Variants in TANGO6 observed in about 807,000 individuals in gnomAD.
The protein encoded by TANGO6 is transport and golgi organization 6 homolog.
TANGO6 carries 90 observed loss-of-function variants against 114.2 expected under a neutral mutation model. The observed-to-expected ratio is 0.79, with a 90% CI of 0.66 to 0.94. The LOEUF (loss-of-function observed/expected upper bound fraction) is 0.94. Among genes scored for constraint, TANGO6 ranks in the 40% least tolerant of loss-of-function variants. The probability of loss-of-function intolerance (pLI) is 0.00; values close to 1 mark genes in which losing one functional copy is unlikely to be tolerated. For synonymous variants in TANGO6, 477 were observed against 509.8 expected (o/e 0.94, Z 0.87); for missense variants, 1,274 against 1,315.3 (o/e 0.97, Z 0.49).
At chr16:68,882,214 A>G (rs78697844) in intron 7 of TANGO6, among the ~76,000 whole-genome samples, 2,113 of 152,042 alleles carry the variant, frequency 0.014, 45 homozygotes, top group African/African-American at 0.046. Flanking sequence ...TTGTTCATAT[A>G]GGCCGGGCAC....
chr16:68,913,203 C>T (rs1962949549), intron 11 of TANGO6, among the ~76,000 whole-genome samples: 1 of 151,814 alleles, frequency 6.6e-6, no homozygotes, highest in African/African-American at 2.4e-5. Context: ...ATAGCTGGGA[C>T]TACAGGCATG....
intron 15 of TANGO6, among the ~76,000 whole-genome samples, chr16:69,008,899 T>G (rs959748069): frequency 6.6e-6 from 1 of 151,900 alleles, no homozygotes; most frequent in African/African-American, 2.4e-5. Context: ...CATCTCAGTC[T>G]CCCAAATGCC....
rs780476000 is a variant in TANGO6 at position 68,878,106 on chromosome 16, G to GT, written c.1132-5dup. ...AAAAAACTGGTATTTACTTCTTGTA[G>GT]TTTTTTTGTAGGTTCTGGATTTATT... On this transcript the variant is annotated splice_polypyrimidine_tract_variant and intron_variant, in intron 5 of 17. Transcript: ENST00000261778. 5 of 1,599,772 alleles carry GT rather than the reference G, an allele frequency of 3.1e-6. No homozygotes were observed. The highest frequency in any genetic ancestry group is 4.3e-6 in the Non-Finnish European group (5 of 1,173,516).
intron 12 of TANGO6, among the ~76,000 whole-genome samples, chr16:68,922,843 G>A (rs1317795474): frequency 6.6e-6 from 1 of 151,910 alleles, no homozygotes; most frequent in Non-Finnish European, 1.5e-5. Flanking sequence ...AGATTCTACT[G>A]GGGTGGGGGC....
chr16:68,863,986 C>T (rs1380038800), intron 3 of TANGO6, among the ~76,000 whole-genome samples: 2 of 151,606 alleles, frequency 1.3e-5, no homozygotes, highest in African/African-American at 4.8e-5. Flanking sequence ...ACCAGCTTGA[C>T]CAACATGGAG....
intron 7 of TANGO6, among the ~76,000 whole-genome samples, chr16:68,892,600 C>T (rs1027154913): frequency 6.6e-6 from 1 of 151,562 alleles, no homozygotes. Flanking sequence ...CTGCAACCTC[C>T]GCCTCCTGGG....
At chr16:68,970,142 A>G (rs1336794685) in intron 14 of TANGO6, among the ~76,000 whole-genome samples, 1 of 152,126 alleles carries the variant, frequency 6.6e-6, no homozygotes, top group Non-Finnish European at 1.5e-5. Flanking sequence ...GGAGGGGGAG[A>G]AAGTGGGTAT....
chr16:69,049,088 T>A (rs1403289738), intron 17 of TANGO6, among the ~76,000 whole-genome samples: 1 of 152,228 alleles, frequency 6.6e-6, no homozygotes, highest in African/African-American at 2.4e-5. Context: ...ATTTGAGACA[T>A]AATTTATATA....
chr16:68,884,930 A>G (rs1567531912), intron 7 of TANGO6, among the ~76,000 whole-genome samples: 2 of 152,228 alleles, frequency 1.3e-5, no homozygotes, highest in African/African-American at 2.4e-5. Context: ...TTATGCACCA[A>G]GGATTGGCAC....
At position 69,028,716 on chromosome 16, in the gene TANGO6, C is replaced by T. The variant is rs548691650; in HGVS notation, c.2994+5737C>T. On this transcript the variant is annotated intron_variant, in intron 16 of 17. Transcript: ENST00000261778. ...AAAGAGTTATTGGTACAATCACACA[C>T]ACTTTTTTTTTTTATTTTTAGAGAT... 1.7e-3 allele frequency among the ~76,000 whole-genome samples: 261 copies of T among 151,854 alleles called. 1 individual carries two copies. The highest frequency in any genetic ancestry group is 5.9e-3 in the African/African-American group (244 of 41,460).
At chr16:68,846,854 G>A (rs1419071726) in intron 1 of TANGO6, 4 of 151,178 alleles carry the variant, frequency 2.6e-5, no homozygotes, top group Non-Finnish European at 4.4e-5. Flanking sequence ...TGTATTGTGT[G>A]GGGAAAAAAG....
intron 7 of TANGO6, among the ~76,000 whole-genome samples, chr16:68,882,939 A>T (rs1214528762): frequency 1.3e-5 from 2 of 152,108 alleles, no homozygotes; most frequent in African/African-American, 4.8e-5. Flanking sequence ...AATCACTTGA[A>T]CCCGGGAGGC....
intron 15 of TANGO6, among the ~76,000 whole-genome samples, chr16:69,002,077 C>A (rs1264616256): frequency 6.6e-6 from 1 of 152,126 alleles, no homozygotes; most frequent in Non-Finnish European, 1.5e-5. Flanking sequence ...TGTCTACTTA[C>A]AATTCTTGGA....
chr16:69,061,566 T>G (rs1267440764), intron 17 of TANGO6, among the ~76,000 whole-genome samples: 1 of 150,514 alleles, frequency 6.6e-6, no homozygotes, highest in Non-Finnish European at 1.5e-5. Context: ...AACAAAAAAG[T>G]CATCTTCCCA....
chr16:68,974,013 T>A lies in TANGO6; in HGVS notation c.2702-15T>A. 6.3e-7 allele frequency: 1 copy of A among 1,589,702 alleles called. No homozygotes were observed. Among genetic ancestry groups the A allele is most frequent in the Non-Finnish European group, 8.6e-7 (1 of 1,167,738 alleles). On this transcript the variant is annotated splice_polypyrimidine_tract_variant and intron_variant, in intron 14 of 17. Coordinates refer to ENST00000261778, the MANE Select transcript of TANGO6 (RefSeq NM_024562.2). Reference sequence around the variant, plus strand: ...TAAACAGTAATGAATCCTTTCTTTTTGTTTTCAACCCCAGGGGTTGCCCTG... The same window carrying A: ...TAAACAGTAATGAATCCTTTCTTTTAGTTTTCAACCCCAGGGGTTGCCCTG...
At chr16:68,926,559 G>A (rs548080157) in intron 12 of TANGO6, among the ~76,000 whole-genome samples, 7 of 150,956 alleles carry the variant, frequency 4.6e-5, no homozygotes, top group South Asian at 4.2e-4. Flanking sequence ...ACAGAGTCTC[G>A]CTCTGTTGCC....
chr16:68,994,345 T>G (rs1963972451), intron 15 of TANGO6, among the ~76,000 whole-genome samples: 4 of 152,170 alleles, frequency 2.6e-5, no homozygotes, highest in Admixed American at 2.6e-4. Flanking sequence ...TCTGTGCCTT[T>G]TTTCAGTGCC....
rs748504028 is a variant in TANGO6 at position 68,894,897 on chromosome 16, G to A, written c.1378-5537G>A. Among the ~76,000 whole-genome samples the A allele has an allele frequency of 6.6e-5, 10 of 151,906 alleles. No homozygotes were observed. The South Asian group carries it at 1.0e-3, about 16-fold the overall frequency. On this transcript the variant is annotated intron_variant, in intron 7 of 17. Coordinates refer to ENST00000261778, the MANE Select transcript of TANGO6 (RefSeq NM_024562.2). ...GCAATCAGTCCCCATTCTAACCTCC[G>A]AGTCCCTGGCAACCACTAATCTGCT...
intron 17 of TANGO6, among the ~76,000 whole-genome samples, chr16:69,078,144 A>G (rs184012252): frequency 2.0e-5 from 3 of 152,296 alleles, no homozygotes; most frequent in African/African-American, 4.8e-5. Flanking sequence ...AGGGACTAGC[A>G]TATGCAAAGG....
Sources: allele counts gnomAD v4.1 joint callset (sites outside exome capture counted in the v4.1 genomes callset), GRCh38; gene constraint gnomAD v4.1.1; transcripts MANE v1.5; gene names NCBI Gene and HGNC (gene_info 2026-07-23, HGNC 2026-07-21).